Variants in VAC14 observed in about 807,000 individuals in gnomAD.
The protein encoded by VAC14 is protein VAC14 homolog.
In VAC14, 47 loss-of-function variants were observed where a neutral mutation model predicts 85.3. That is an observed-to-expected ratio of 0.55 (90% confidence interval 0.44 to 0.70). The LOEUF is 0.70. VAC14 is among the 30% of genes least tolerant of loss of function. The pLI is 0.00. For synonymous variants in VAC14, 447 were observed against 430.5 expected (o/e 1.04, Z -0.47); for missense variants, 861 against 1,004.3 (o/e 0.86, Z 1.93).
intron 12 of VAC14, among the ~76,000 whole-genome samples, chr16:70,758,122 T>A (rs1269101615): frequency 6.6e-6 from 1 of 152,178 alleles, no homozygotes; most frequent in Non-Finnish European, 1.5e-5. Flanking sequence ...CTCTAAAGCA[T>A]TACTGAAGGA....
chr16:70,718,143 T>G (rs974890056), intron 14 of VAC14, among the ~76,000 whole-genome samples: 1 of 152,234 alleles, frequency 6.6e-6, no homozygotes. Context: ...TATCTACTAG[T>G]TGCTTCTGGT....
chr16:70,758,163 G>A (rs2032021625), intron 12 of VAC14, among the ~76,000 whole-genome samples: 1 of 152,256 alleles, frequency 6.6e-6, no homozygotes, highest in South Asian at 2.1e-4. Flanking sequence ...CTGAGAAAGA[G>A]CCTGGCTCCT....
intron 14 of VAC14, among the ~76,000 whole-genome samples, chr16:70,710,056 C>T (rs574672971): frequency 1.2e-4 from 18 of 152,346 alleles, no homozygotes; most frequent in African/African-American, 3.1e-4. Context: ...AGGCCGCCAC[C>T]GCCTGGCACG....
At chr16:70,735,753 C>T (rs1396350833) in intron 13 of VAC14, among the ~76,000 whole-genome samples, 4 of 152,246 alleles carry the variant, frequency 2.6e-5, no homozygotes, top group Admixed American at 2.0e-4. Flanking sequence ...CAAGGAAAGG[C>T]CTCATTCCAC....
chr16:70,732,185 T>C (rs2054610790), intron 13 of VAC14, among the ~76,000 whole-genome samples: 1 of 152,236 alleles, frequency 6.6e-6, no homozygotes. Context: ...GGAAAAGGAA[T>C]GATGCGCACA....
intron 10 of VAC14, chr16:70,766,544 C>A (rs1567584892): frequency 4.4e-6 from 2 of 456,776 alleles, no homozygotes; most frequent in Non-Finnish European, 8.8e-6. Flanking sequence ...CTAAAAGGAA[C>A]CTCATGGTTC....
chr16:70,711,498 C>T (rs2054033846), intron 14 of VAC14, among the ~76,000 whole-genome samples: 1 of 152,122 alleles, frequency 6.6e-6, no homozygotes, highest in Non-Finnish European at 1.5e-5. Context: ...TCTACCTTCA[C>T]GGTCCCGAGC....
At chr16:70,797,978 C>G (rs1026189654) in intron 1 of VAC14, among the ~76,000 whole-genome samples, 1 of 152,172 alleles carries the variant, frequency 6.6e-6, no homozygotes, top group Non-Finnish European at 1.5e-5. Flanking sequence ...AATCTCTTTT[C>G]TTTATAAATT....
Position 70,744,713 on chromosome 16 carries a change from A to G in VAC14, c.1372-134T>C, listed in dbSNP as rs1040497453. 18 of 1,091,766 alleles carry G rather than the reference A, an allele frequency of 1.6e-5. No homozygotes were observed. The Middle Eastern group carries it at 9.3e-4, about 57-fold the overall frequency. 67.6% of individuals were successfully genotyped at this position (1,091,766 alleles called of 1,614,324 possible). On this transcript the variant is annotated intron_variant, in intron 12 of 18. Transcript: ENST00000261776. ...CTGCAGATGACAGCAGGCTGGGAAG[A>G]GCCACTAAGGCCACAGCTGGGGCAT...
At chr16:70,714,991 A>G (rs2054130799) in intron 14 of VAC14, 1 of 152,366 alleles carries the variant, frequency 6.6e-6, no homozygotes. Flanking sequence ...ACAGCCTGGC[A>G]CATGCCCACT....
intron 9 of VAC14, among the ~76,000 whole-genome samples, chr16:70,775,558 C>A (rs1045837649): frequency 2.0e-5 from 3 of 152,228 alleles, no homozygotes; most frequent in Non-Finnish European, 4.4e-5. Context: ...ACCCAGGACG[C>A]AGCTCAGAGG....
In VAC14 at chr16:70,762,850, G is replaced by C. The variant is rs566801834; in HGVS notation, c.1305+31C>G. ...GGAAAACCAAGGCGGACCCAGAAGA[G>C]GCCCCTGGCTTGGAGGGGCCCAGGG... is the stretch of plus-strand genomic sequence containing the variant. On this transcript the variant is annotated intron_variant, in intron 11 of 18. Transcript: ENST00000261776. This position sits in a 1 kb window ranked among gnomAD's most constrained non-coding sequence, Gnocchi z 4.1. 1.1e-4 allele frequency: 174 copies of C among 1,613,804 alleles called. 3 individuals are homozygous for C. In the South Asian group the frequency reaches 1.8e-3, roughly 17 times the overall value.
intron 14 of VAC14, among the ~76,000 whole-genome samples, chr16:70,708,366 G>A (rs2053962979): frequency 6.6e-6 from 1 of 152,232 alleles, no homozygotes; most frequent in South Asian, 2.1e-4. Flanking sequence ...TTAACTTCCA[G>A]GAAGGGACAA....
chr16:70,790,789 C>T (rs1173779533), intron 1 of VAC14, among the ~76,000 whole-genome samples: 2 of 152,186 alleles, frequency 1.3e-5, no homozygotes, highest in African/African-American at 2.4e-5. Flanking sequence ...ACAAAAATGA[C>T]AGCCCATTCA....
intron 18 of VAC14, chr16:70,690,098 G>T (rs11648765): frequency 0.064 from 63,571 of 985,598 alleles, 2,223 homozygotes; most frequent in Non-Finnish European, 0.071. Flanking sequence ...AGCACTGGAT[G>T]GCAAACCCGG....
chr16:70,726,746 C>A (rs2054440436), intron 14 of VAC14, among the ~76,000 whole-genome samples: 1 of 152,302 alleles, frequency 6.6e-6, no homozygotes, highest in South Asian at 2.1e-4. Flanking sequence ...GTGAGCTTGG[C>A]CTCAACTCCC....
chr16:70,726,717 C>T (rs1027912397), intron 14 of VAC14, among the ~76,000 whole-genome samples: 3 of 152,172 alleles, frequency 2.0e-5, no homozygotes, highest in Admixed American at 6.5e-5. Context: ...CCGCACATGT[C>T]GCCATCTTCG....
chr16:70,720,961 T>A (rs1337880740), intron 14 of VAC14, among the ~76,000 whole-genome samples: 1 of 152,168 alleles, frequency 6.6e-6, no homozygotes, highest in East Asian at 1.9e-4. Context: ...AGCGCTGACT[T>A]GAGTGCACTT....
chr16:70,722,096 G>T (rs1251069724), intron 14 of VAC14, among the ~76,000 whole-genome samples: 1 of 152,176 alleles, frequency 6.6e-6, no homozygotes, highest in Non-Finnish European at 1.5e-5. Context: ...GAACAATGAC[G>T]AGGACAACGG....
Sources: allele counts gnomAD v4.1 joint callset (sites outside exome capture counted in the v4.1 genomes callset), GRCh38; gene constraint gnomAD v4.1.1; non-coding constraint Gnocchi (gnomAD v3.1); transcripts MANE v1.5; gene names NCBI Gene and HGNC (gene_info 2026-07-23, HGNC 2026-07-21).